GABRA1: variants seen among roughly 807,000 people sequenced by gnomAD.
The protein encoded by GABRA1 is gamma-aminobutyric acid type A receptor subunit alpha1.
GABRA1 carries 9 observed loss-of-function variants against 48.9 expected under a neutral mutation model. The observed-to-expected ratio is 0.18, with a 90% CI of 0.11 to 0.32. The LOEUF (loss-of-function observed/expected upper bound fraction) is 0.32. Ranked by LOEUF, GABRA1 falls within the 10% of genes least tolerant of loss-of-function variation. The probability of loss-of-function intolerance (pLI) is 1.00; values close to 1 mark genes in which losing one functional copy is unlikely to be tolerated. For missense variants in GABRA1, 285 were observed against 553.8 expected (o/e 0.51, Z 4.87); for synonymous variants, 210 against 198.7 (o/e 1.06, Z -0.48).
At chr5:161,866,640 A>G (rs1753869827) in intron 4 of GABRA1, among the ~76,000 whole-genome samples, 1 of 152,176 alleles carries the variant, frequency 6.6e-6, no homozygotes, top group South Asian at 2.1e-4. Flanking sequence ...TGAATGGCAG[A>G]GTAAAAGCCC....
chr5:161,867,388 T>G (rs1753914633), intron 4 of GABRA1, among the ~76,000 whole-genome samples: 1 of 152,138 alleles, frequency 6.6e-6, no homozygotes. Context: ...TATTAACTAT[T>G]TGTTTTAGTC....
intron 1 of GABRA1, chr5:161,850,302 A>T: frequency 3.9e-6 from 1 of 254,878 alleles, no homozygotes; most frequent in South Asian, 1.7e-4. Flanking sequence ...AGGTACCTGC[A>T]GAATTCAAAG....
At chr5:161,852,380 C>G (rs923458254) in intron 2 of GABRA1, among the ~76,000 whole-genome samples, 1 of 151,970 alleles carries the variant, frequency 6.6e-6, no homozygotes, top group Non-Finnish European at 1.5e-5. Context: ...TACCCCATTT[C>G]ATCTTTTATT....
At chr5:161,893,483 G>A (rs770107997) in intron 8 of GABRA1, among the ~76,000 whole-genome samples, 14 of 151,818 alleles carry the variant, frequency 9.2e-5, no homozygotes, top group Non-Finnish European at 1.9e-4. Flanking sequence ...AGCCTAAAAG[G>A]ATCATGTAGA....
intron 2 of GABRA1, among the ~76,000 whole-genome samples, chr5:161,851,453 A>C (rs2113296524): frequency 6.6e-6 from 1 of 152,330 alleles, no homozygotes; most frequent in African/African-American, 2.4e-5. Context: ...CTATTAAAAA[A>C]ACAATTACTA....
rs1413542547 is a variant in GABRA1 at position 161,895,718 on chromosome 5, C to A, written c.909C>A (p.Ser303=). The change falls in exon 9 of 10, where the codon TCC becomes TCA. Residue 303 remains serine, a synonymous_variant. Coordinates refer to ENST00000393943, the MANE Select transcript of GABRA1 (RefSeq NM_001127644.2). Reference sequence around the variant, plus strand: ...CATTGAGCATCAGTGCCAGAAACTCCCTCCCTAAGGTGGCTTATGCAACAG... The same window carrying A: ...CATTGAGCATCAGTGCCAGAAACTCACTCCCTAAGGTGGCTTATGCAACAG... ...MTTLSISARN[S]LPKVAYATAM... 1.2e-6 allele frequency: 2 copies of A among 1,613,954 alleles called. No homozygotes were observed. The highest frequency in any genetic ancestry group is 1.1e-5 in the South Asian group (1 of 91,076).
At chr5:161,851,661 T>G (rs940601713) in intron 2 of GABRA1, among the ~76,000 whole-genome samples, 5 of 152,102 alleles carry the variant, frequency 3.3e-5, no homozygotes, top group African/African-American at 1.2e-4. Flanking sequence ...TTATTCAAAA[T>G]GTAATGGCAA....
intron 3 of GABRA1, among the ~76,000 whole-genome samples, chr5:161,858,252 C>G (rs901482627): frequency 1.3e-5 from 2 of 151,430 alleles, no homozygotes; most frequent in East Asian, 1.9e-4. Context: ...ATGAAGGAAG[C>G]CTGGATGTTC....
At chr5:161,882,944 A>G (rs570743060) in intron 7 of GABRA1, among the ~76,000 whole-genome samples, 9 of 152,160 alleles carry the variant, frequency 5.9e-5, no homozygotes, top group Non-Finnish European at 1.2e-4. Context: ...ATAAGTAATT[A>G]CTGTAGCACA....
At chr5:161,849,435 G>T (rs1757352455) in intron 1 of GABRA1, among the ~76,000 whole-genome samples, 1 of 152,124 alleles carries the variant, frequency 6.6e-6, no homozygotes, top group Admixed American at 6.6e-5. Context: ...CAACTAATCT[G>T]TTTCAAAACC....
At chr5:161,853,396 A>G (rs1227891462) in intron 2 of GABRA1, among the ~76,000 whole-genome samples, 10 of 151,928 alleles carry the variant, frequency 6.6e-5, no homozygotes, top group Admixed American at 6.6e-4. Flanking sequence ...GCTAGGTTCT[A>G]GGTCAAGGTT....
At chr5:161,890,776 T>C (rs1271437523) in intron 7 of GABRA1, 122 bp from the exon 8 acceptor site, 5 of 877,248 alleles carry the variant, frequency 5.7e-6, no homozygotes, top group Non-Finnish European at 7.5e-6. Context: ...CTCCAAGAAC[T>C]GGATGTCACA....
At chr5:161,872,055 C>T (rs1754144774) in intron 4 of GABRA1, among the ~76,000 whole-genome samples, 1 of 152,098 alleles carries the variant, frequency 6.6e-6, no homozygotes. Context: ...ATATGTTTAA[C>T]ATTTAAAAAA....
chr5:161,864,606 C>T (rs572750354), intron 3 of GABRA1, among the ~76,000 whole-genome samples: 9 of 151,654 alleles, frequency 5.9e-5, no homozygotes, highest in South Asian at 2.1e-4. Flanking sequence ...GATGCAAATA[C>T]CCTGGCATAT....
At chr5:161,876,917 C>A (rs554210134) in intron 6 of GABRA1, among the ~76,000 whole-genome samples, 5 of 152,190 alleles carry the variant, frequency 3.3e-5, no homozygotes, top group East Asian at 1.9e-4. Flanking sequence ...GGGACAGTAT[C>A]GGTTTATGCC....
At position 161,887,444 on chromosome 5, in the gene GABRA1, G is replaced by GA. The variant is rs1269688108; in HGVS notation, c.704-3444dup. 7.8e-3 allele frequency among the ~76,000 whole-genome samples: 1,142 copies of GA among 146,508 alleles called. 8 individuals carry two copies. The highest frequency in any genetic ancestry group is 0.025 in the African/African-American group (999 of 40,062). On this transcript the variant is annotated intron_variant, in intron 7 of 9. Coordinates refer to ENST00000393943, the MANE Select transcript of GABRA1 (RefSeq NM_001127644.2). The stretch of plus-strand genomic sequence containing the variant: ...TATAACTATAGAATGTAAGTCCTGG[G>GA]AAAAAAAAAAGACTTCTGTGGTCAT...
chr5:161,887,496 G>A (rs1269982973), intron 7 of GABRA1, among the ~76,000 whole-genome samples: 2 of 151,922 alleles, frequency 1.3e-5, no homozygotes, highest in African/African-American at 4.8e-5. Flanking sequence ...TATTTCAAAT[G>A]AAGACATGGT....
At chr5:161,884,742 T>C (rs1754769641) in intron 7 of GABRA1, among the ~76,000 whole-genome samples, 1 of 152,192 alleles carries the variant, frequency 6.6e-6, no homozygotes, top group African/African-American at 2.4e-5. Flanking sequence ...AATGCAGTAG[T>C]ATGCAGGCAT....
At chr5:161,889,121 A>G (rs984572189) in intron 7 of GABRA1, among the ~76,000 whole-genome samples, 2 of 152,088 alleles carry the variant, frequency 1.3e-5, no homozygotes, top group East Asian at 1.9e-4. Flanking sequence ...GGCAGGTGCT[A>G]TTATCAATAA....
Sources: allele counts gnomAD v4.1 joint callset (sites outside exome capture counted in the v4.1 genomes callset), GRCh38; gene constraint gnomAD v4.1.1; transcripts MANE v1.5; gene names NCBI Gene and HGNC (gene_info 2026-07-23, HGNC 2026-07-21).